The following MAML3 variants were observed in gnomAD, a reference collection of about 807,000 sequenced individuals.
MAML3 encodes mastermind-like protein 3.
In MAML3, 27 loss-of-function variants were observed where a neutral mutation model predicts 101.9. The observed-to-expected ratio is 0.27, with a 90% CI of 0.20 to 0.37. MAML3 has a LOEUF of 0.37. Among genes scored for constraint, MAML3 ranks in the 10% least tolerant of loss-of-function variants. The pLI is 1.00. For missense variants in MAML3, 1,316 were observed against 1,444.9 expected, an observed-to-expected ratio of 0.91 and a Z score of 1.45; for synonymous variants, 501 against 555.9, an observed-to-expected ratio of 0.90 and a Z score of 1.39.
intron 1 of MAML3, among the ~76,000 whole-genome samples, chr4:140,123,642 C>T (rs1337246288): frequency 6.6e-6 from 1 of 152,194 alleles, no homozygotes; most frequent in Non-Finnish European, 1.5e-5. Flanking sequence ...AGACTCACAT[C>T]TGAAGTCCAT....
At chr4:139,995,014 A>C (rs1734776541) in intron 1 of MAML3, among the ~76,000 whole-genome samples, 2 of 152,148 alleles carry the variant, frequency 1.3e-5, no homozygotes, top group African/African-American at 2.4e-5. Context: ...TATGATGTTA[A>C]CTGGGGGGTT....
At chr4:140,074,245 G>GAAAGAAAA (rs1727728839) in intron 1 of MAML3, among the ~76,000 whole-genome samples, 3 of 138,634 alleles carry the variant, frequency 2.2e-5, no homozygotes, top group Non-Finnish European at 4.8e-5. Flanking sequence ...AAGAAAGAAA[G>GAAAGAAAA]AAAGAAAGAA....
chr4:139,762,705 G>A (rs917844775), intron 2 of MAML3, among the ~76,000 whole-genome samples: 9 of 152,108 alleles, frequency 5.9e-5, no homozygotes, highest in Non-Finnish European at 8.8e-5. Context: ...AGGCTCCATC[G>A]CTACACTCAT....
chr4:140,017,348 G>T (rs1250221453), intron 1 of MAML3, among the ~76,000 whole-genome samples: 1 of 151,992 alleles, frequency 6.6e-6, no homozygotes, highest in Admixed American at 6.5e-5. Context: ...TACATTGCTG[G>T]TAGACAAGTA....
intron 2 of MAML3, among the ~76,000 whole-genome samples, chr4:139,882,807 C>T (rs192455857): frequency 6.6e-6 from 1 of 152,294 alleles, no homozygotes; most frequent in South Asian, 2.1e-4. Flanking sequence ...CAAGATCGAG[C>T]CACTGCACTC....
At chr4:140,060,364 T>TAAAAAAAAAAAAAAAAAAA (rs1727423722) in intron 1 of MAML3, among the ~76,000 whole-genome samples, 1 of 558 alleles carries the variant, frequency 1.8e-3, no homozygotes, top group Non-Finnish European at 0.011. Flanking sequence ...AGACTCTGTC[T>TAAAAAAAAAAAAAAAAAAA]CAAAAAAAAA....
At chr4:139,944,372 T>C (rs1470302638) in intron 1 of MAML3, among the ~76,000 whole-genome samples, 1 of 152,046 alleles carries the variant, frequency 6.6e-6, no homozygotes, top group East Asian at 1.9e-4. Context: ...ATATTCCCCT[T>C]CCTGTGTCCA....
At chr4:139,864,353 A>T (rs569131793) in intron 2 of MAML3, among the ~76,000 whole-genome samples, 2 of 152,192 alleles carry the variant, frequency 1.3e-5, no homozygotes, top group East Asian at 3.9e-4. Context: ...TCATACTATG[A>T]CTTACTTGTT....
Position 140,069,382 on chromosome 4 carries a change from A to AG in MAML3, c.468+83477dup, listed in dbSNP as rs1427997406. Among the ~76,000 whole-genome samples, 25 of 115,578 alleles carry AG rather than the reference A, an allele frequency of 2.2e-4. 2 individuals are homozygous for AG. The highest frequency in any genetic ancestry group is 6.2e-4 in the African/African-American group (19 of 30,860). 75.8% of individuals were successfully genotyped at this position (115,578 alleles called of 152,430 possible). On this transcript the variant is annotated intron_variant, in intron 1 of 4. Coordinates refer to ENST00000509479, the MANE Select transcript of MAML3 (RefSeq NM_018717.5). ...AAGGAGAAGAAGAAGAAGAAGAAGA[A>AG]GAAGGAGGAGGAGGAGGAGGAGGAG...
intron 2 of MAML3, chr4:139,794,289 C>A (rs543057185): frequency 5.3e-5 from 8 of 152,200 alleles, no homozygotes; most frequent in Non-Finnish European, 8.8e-5. Context: ...TGGGAAGGCT[C>A]TTCTTCTCTC....
Position 140,142,442 on chromosome 4 carries a change from TATA to T in MAML3, c.468+10415_468+10417del, listed in dbSNP as rs992643000. ...TGTAGGTCCTTTCAAGTCATAGAAA[TATA>T]ATAATGAATAGACAAAGTCCCTGTC... On this transcript the variant is annotated intron_variant, in intron 1 of 4. Transcript: ENST00000509479. 2.6e-5 allele frequency among the ~76,000 whole-genome samples: 4 copies of T among 152,170 alleles called. No individual in the cohort carries two copies. In the East Asian group the frequency reaches 7.7e-4, roughly 29 times the overall value.
In MAML3 at chr4:139,889,403, A is replaced by G; in HGVS notation, c.2033T>C (p.Val678Ala). ...AGCGTAAGCCATGGGCTGATTCATC[A>G]CTCCTTTCTGCTTCATGAGAAGCAG... ...KRLLLMKQKG[V>A]MNQPMAYAAL... Residue 678 changes from valine to alanine, a missense_variant, in exon 2 of 5, where the codon GTG (valine) becomes GCG (alanine). Coordinates refer to ENST00000509479, the MANE Select transcript of MAML3 (RefSeq NM_018717.5). 4 of 1,613,710 alleles carry G rather than the reference A, an allele frequency of 2.5e-6. No individual in the cohort carries two copies. Among genetic ancestry groups the G allele is most frequent in the Non-Finnish European group, 3.4e-6 (4 of 1,179,846 alleles).
rs74873802 is a variant in MAML3 at position 140,131,176 on chromosome 4, G to A, written c.468+21684C>T. ...GTGGAGGACTCTAGGTAGCCAGGAAGAAGGATGCAGATATTCCTAGGATTT... is the reference window on the plus strand; with the variant it reads ...GTGGAGGACTCTAGGTAGCCAGGAAAAAGGATGCAGATATTCCTAGGATTT... On this transcript the variant is annotated intron_variant, in intron 1 of 4. Coordinates refer to ENST00000509479, the MANE Select transcript of MAML3 (RefSeq NM_018717.5). Among the ~76,000 whole-genome samples the A allele has an allele frequency of 8.7e-4, 132 of 152,312 alleles. 3 individuals are homozygous for A. In the East Asian group the frequency reaches 0.024, roughly 27 times the overall value.
chr4:139,946,302 A>G (rs1733725689), intron 1 of MAML3, among the ~76,000 whole-genome samples: 1 of 152,214 alleles, frequency 6.6e-6, no homozygotes, highest in African/African-American at 2.4e-5. Context: ...AATTATTTCC[A>G]CAAACCATCT....
intron 1 of MAML3, among the ~76,000 whole-genome samples, chr4:139,924,784 A>T (rs1271065692): frequency 6.6e-6 from 1 of 152,188 alleles, no homozygotes; most frequent in Non-Finnish European, 1.5e-5. Context: ...GGAAACTAGC[A>T]TCTTATTATT....
At chr4:139,854,419 TC>T (rs1414310208) in intron 2 of MAML3, among the ~76,000 whole-genome samples, 2 of 147,196 alleles carry the variant, frequency 1.4e-5, no homozygotes, top group African/African-American at 5.1e-5. Context: ...ACAGTCAATT[TC>T]CCCCCACATT....
chr4:139,883,922 T>C (rs559694934), intron 2 of MAML3, among the ~76,000 whole-genome samples: 76 of 144,304 alleles, frequency 5.3e-4, no homozygotes, highest in Non-Finnish European at 4.1e-4. Flanking sequence ...AGAGTTTTGC[T>C]CTTGTTGCCC....
chr4:139,783,482 G>T (rs1023472030), intron 2 of MAML3, among the ~76,000 whole-genome samples: 1 of 152,208 alleles, frequency 6.6e-6, no homozygotes, highest in Non-Finnish European at 1.5e-5. Flanking sequence ...GGTAGTACCT[G>T]CTGGTGTGGG....
chr4:140,005,698 G>A (rs1395625863), intron 1 of MAML3, among the ~76,000 whole-genome samples: 1 of 152,184 alleles, frequency 6.6e-6, no homozygotes, highest in African/African-American at 2.4e-5. Flanking sequence ...ATACATCCTG[G>A]AGATGAACTT....
Sources: allele counts gnomAD v4.1 joint callset (sites outside exome capture counted in the v4.1 genomes callset), GRCh38; gene constraint gnomAD v4.1.1; transcripts MANE v1.5; gene names NCBI Gene and HGNC (gene_info 2026-07-23, HGNC 2026-07-21).